NEDD4L: variants seen among roughly 807,000 people sequenced by gnomAD.
NEDD4L encodes E3 ubiquitin-protein ligase NEDD4-like.
NEDD4L carries 54 observed loss-of-function variants against 148.9 expected under a neutral mutation model. The observed-to-expected ratio is 0.36, with a 90% CI of 0.29 to 0.45. NEDD4L has a LOEUF of 0.45. NEDD4L is among the 20% of genes least tolerant of loss of function. The pLI is 1.00. For missense variants in NEDD4L, 856 were observed against 1,233.8 expected, an observed-to-expected ratio of 0.69 and a Z score of 4.59; for synonymous variants, 433 against 440.7, an observed-to-expected ratio of 0.98 and a Z score of 0.22.
intron 5 of NEDD4L, among the ~76,000 whole-genome samples, chr18:58,269,683 A>G (rs2050745474): frequency 2.0e-5 from 3 of 152,096 alleles, no homozygotes; most frequent in Admixed American, 1.3e-4. Context: ...CAGGGTTGAG[A>G]AAAACTGATT....
chr18:58,135,162 C>G (rs12955022), intron 1 of NEDD4L, among the ~76,000 whole-genome samples: 46,739 of 151,812 alleles, frequency 0.31, 7,492 homozygotes, highest in Non-Finnish European at 0.36. Flanking sequence ...ATGGCATCAG[C>G]CTGTCCAGTG....
intron 1 of NEDD4L, among the ~76,000 whole-genome samples, chr18:58,133,347 G>A (rs541069362): frequency 6.6e-6 from 1 of 152,168 alleles, no homozygotes; most frequent in South Asian, 2.1e-4. Flanking sequence ...AGGGCTCTCT[G>A]TAGCCCCACA....
intron 2 of NEDD4L, among the ~76,000 whole-genome samples, chr18:58,242,818 C>T (rs1194477400): frequency 6.6e-6 from 1 of 152,162 alleles, no homozygotes; most frequent in Non-Finnish European, 1.5e-5. Flanking sequence ...CTCCTCCCCT[C>T]GAGCTTACAT....
At chr18:58,249,114 A>C (rs2047607000) in intron 4 of NEDD4L, among the ~76,000 whole-genome samples, 177 bp downstream of exon 4, 1 of 152,226 alleles carries the variant, frequency 6.6e-6, no homozygotes. Context: ...GTGGTCACAG[A>C]ATCCGGACTT....
intron 1 of NEDD4L, among the ~76,000 whole-genome samples, chr18:58,071,396 T>C (rs2082867669): frequency 6.6e-6 from 1 of 152,204 alleles, no homozygotes; most frequent in Non-Finnish European, 1.5e-5. Flanking sequence ...ATAGAAATTC[T>C]GGAGTCATAA....
chr18:58,328,613 G>C (rs2059522181), intron 9 of NEDD4L, among the ~76,000 whole-genome samples: 1 of 152,126 alleles, frequency 6.6e-6, no homozygotes, highest in Non-Finnish European at 1.5e-5. Flanking sequence ...AGAAGGATTG[G>C]GACTGCCCAG....
At chr18:58,045,032 C>T in intron 1 of NEDD4L, 1 of 408,708 alleles carries the variant, frequency 2.4e-6, no homozygotes, top group Non-Finnish European at 4.3e-6. Flanking sequence ...GCAGCGTCTC[C>T]CGGGGCTGTT....
At chr18:58,282,503 C>T (rs1250465366) in intron 5 of NEDD4L, among the ~76,000 whole-genome samples, 1 of 152,092 alleles carries the variant, frequency 6.6e-6, no homozygotes, top group Non-Finnish European at 1.5e-5. Flanking sequence ...TGGATCAATC[C>T]AGTTGATCTA....
intron 2 of NEDD4L, chr18:58,195,445 G>T: frequency 7.6e-7 from 1 of 1,319,366 alleles, no homozygotes; most frequent in Non-Finnish European, 1.0e-6. Context: ...GCAGGCATCC[G>T]CGGCAGCAGC....
chr18:58,291,505 G>A (rs945974602), intron 5 of NEDD4L, among the ~76,000 whole-genome samples: 4 of 152,206 alleles, frequency 2.6e-5, no homozygotes, highest in African/African-American at 9.6e-5. Context: ...GATTCCATTT[G>A]TCTAATTCTG....
In NEDD4L at chr18:58,346,974, C is replaced by T. The variant is rs2043153881; in HGVS notation, c.1576-2563C>T. Among the ~76,000 whole-genome samples, 4 of 151,968 alleles carry T rather than the reference C, an allele frequency of 2.6e-5. No homozygotes were observed. The South Asian group carries it at 6.3e-4, about 24-fold the overall frequency. On this transcript the variant is annotated intron_variant, in intron 16 of 30. Coordinates refer to ENST00000400345, the MANE Select transcript of NEDD4L (RefSeq NM_001144967.3). Reference sequence around the variant, plus strand: ...GTCAGGGCTTGAGGGTGACCACTAGCCTTAGCCCTCAGAGCTGATTCATGG... The same window carrying T: ...GTCAGGGCTTGAGGGTGACCACTAGTCTTAGCCCTCAGAGCTGATTCATGG...
rs150935360 is a variant in NEDD4L at position 58,277,161 on chromosome 18, G to T, written c.297+25107G>T. Among the ~76,000 whole-genome samples, 33 of 152,136 alleles carry T rather than the reference G, an allele frequency of 2.2e-4. No individual in the cohort carries two copies. In the East Asian group the frequency reaches 5.6e-3, roughly 26 times the overall value. On this transcript the variant is annotated intron_variant, in intron 5 of 30. Coordinates refer to ENST00000400345, the MANE Select transcript of NEDD4L (RefSeq NM_001144967.3). ...TGGACGGGGAATCCTGTGTATCTTGGCTTCTCTGAGCCAGCTGTGCCTCAG... is the reference window on the plus strand; with the variant it reads ...TGGACGGGGAATCCTGTGTATCTTGTCTTCTCTGAGCCAGCTGTGCCTCAG...
At chr18:58,195,719 C>T (rs769361018) in intron 2 of NEDD4L, 2 of 1,351,984 alleles carry the variant, frequency 1.5e-6, no homozygotes, top group South Asian at 2.3e-5. Flanking sequence ...ACGAGCTCTT[C>T]CTGCCTGGAA....
chr18:58,134,823 A>G (rs1247014837), intron 1 of NEDD4L, among the ~76,000 whole-genome samples: 2 of 148,934 alleles, frequency 1.3e-5, no homozygotes, highest in Non-Finnish European at 3.0e-5. Context: ...AAGGGGAGGA[A>G]CCTGGGAGCT....
chr18:58,298,263 G>C (rs2055958598), intron 5 of NEDD4L, among the ~76,000 whole-genome samples: 1 of 152,040 alleles, frequency 6.6e-6, no homozygotes. Context: ...ATTTTTTTCT[G>C]TATATGTTTT....
intron 1 of NEDD4L, among the ~76,000 whole-genome samples, chr18:58,140,467 T>C (rs1044550437): frequency 6.6e-6 from 1 of 150,988 alleles, no homozygotes; most frequent in African/African-American, 2.4e-5. Flanking sequence ...CAGTGGATTC[T>C]TTTGTCCATT....
intron 1 of NEDD4L, 53 bp from the exon 2 acceptor site, chr18:58,165,731 AGAGT>A (rs1450888501): frequency 1.3e-6 from 2 of 1,534,072 alleles, no homozygotes; most frequent in Non-Finnish European, 1.8e-6. Flanking sequence ...ATTGGATGAG[AGAGT>A]GATTGATTGA....
intron 2 of NEDD4L, among the ~76,000 whole-genome samples, chr18:58,219,959 C>G (rs1260013512): frequency 2.0e-5 from 3 of 152,070 alleles, no homozygotes; most frequent in African/African-American, 7.2e-5. Context: ...TTTAACCTTC[C>G]AGCTAGTGTG....
At chr18:58,257,314 A>G (rs2048725443) in intron 5 of NEDD4L, among the ~76,000 whole-genome samples, 1 of 152,178 alleles carries the variant, frequency 6.6e-6, no homozygotes, top group South Asian at 2.1e-4. Context: ...GCAGGAGGTC[A>G]GGTCAGTCGT....
Sources: allele counts gnomAD v4.1 joint callset (sites outside exome capture counted in the v4.1 genomes callset), GRCh38; gene constraint gnomAD v4.1.1; transcripts MANE v1.5; gene names NCBI Gene and HGNC (gene_info 2026-07-23, HGNC 2026-07-21).